Variants in SYN3 observed in about 807,000 individuals in gnomAD.
The protein encoded by SYN3 is synapsin III, also known as synapsin-3.
In SYN3, 35 loss-of-function variants were observed where a neutral mutation model predicts 65.8. That is an observed-to-expected ratio of 0.53 (90% CI 0.41 to 0.70). SYN3 has a LOEUF of 0.70. SYN3 is among the 30% of genes least tolerant of loss of function. The pLI, the probability that SYN3 is intolerant of heterozygous loss-of-function variation, is 0.00. For synonymous variants in SYN3, 270 were observed against 292.9 expected (o/e 0.92, Z 0.80); for missense variants, 680 against 749.0 (o/e 0.91, Z 1.08).
chr22:32,947,108 T>G (rs759999914), intron 3 of SYN3, among the ~76,000 whole-genome samples: 1 of 152,224 alleles, frequency 6.6e-6, no homozygotes, highest in African/African-American at 2.4e-5. Flanking sequence ...AATCTTGAAT[T>G]TGACACTGAC....
At chr22:32,622,432 A>C (rs141625230) in intron 6 of SYN3, among the ~76,000 whole-genome samples, 89 of 152,278 alleles carry the variant, frequency 5.8e-4, no homozygotes, top group African/African-American at 1.9e-3. Flanking sequence ...CCTCATTTCC[A>C]TGGAGCCTAC....
chr22:32,929,194 A>C (rs559254288), intron 4 of SYN3, among the ~76,000 whole-genome samples: 4 of 152,288 alleles, frequency 2.6e-5, no homozygotes, highest in Admixed American at 2.6e-4. Context: ...AGGCAGAAGA[A>C]TTGCTTGAAC....
intron 6 of SYN3, among the ~76,000 whole-genome samples, chr22:32,745,669 G>A (rs1178241135): frequency 1.3e-5 from 2 of 152,196 alleles, no homozygotes; most frequent in African/African-American, 4.8e-5. Context: ...CCTGGGAGGG[G>A]AAGGGGAAGA....
chr22:32,567,519 C>T (rs1014726597), intron 7 of SYN3, among the ~76,000 whole-genome samples: 3 of 152,066 alleles, frequency 2.0e-5, no homozygotes, highest in Admixed American at 1.3e-4. Flanking sequence ...CTCAATTGGT[C>T]CTTAATATGG....
At chr22:33,029,073 G>T (rs1416768483) in intron 1 of SYN3, among the ~76,000 whole-genome samples, 1 of 150,900 alleles carries the variant, frequency 6.6e-6, no homozygotes, top group Non-Finnish European at 1.5e-5. Context: ...TGCTCAGACA[G>T]TCCCTAGATG....
At chr22:32,597,838 TG>T (rs1322750019) in intron 6 of SYN3, among the ~76,000 whole-genome samples, 2 of 152,110 alleles carry the variant, frequency 1.3e-5, no homozygotes, top group Admixed American at 1.3e-4. Flanking sequence ...CTAGGAGGCA[TG>T]CATGCTTCTC....
intron 3 of SYN3, among the ~76,000 whole-genome samples, chr22:32,954,167 C>T (rs1019828386): frequency 6.6e-6 from 1 of 152,038 alleles, no homozygotes; most frequent in African/African-American, 2.4e-5. Context: ...ACCTGAGAAT[C>T]AAAGTAAAAC....
intron 4 of SYN3, among the ~76,000 whole-genome samples, chr22:32,890,806 T>C (rs2049424933): frequency 6.6e-6 from 1 of 152,134 alleles, no homozygotes; most frequent in Non-Finnish European, 1.5e-5. Flanking sequence ...TAACTATATA[T>C]ATAGAGAGAG....
At chr22:32,856,432 C>A (rs1362404196) in intron 6 of SYN3, among the ~76,000 whole-genome samples, 3 of 152,058 alleles carry the variant, frequency 2.0e-5, no homozygotes, top group Admixed American at 6.5e-5. Context: ...AGATCAGTGA[C>A]CGGCCACTGG....
chr22:32,514,079 G>A (rs1315078367), intron 13 of SYN3, among the ~76,000 whole-genome samples: 2 of 152,178 alleles, frequency 1.3e-5, no homozygotes, highest in South Asian at 2.1e-4. Context: ...GGTCCTCACA[G>A]CAAGTAATGG....
chr22:32,918,225 G>A (rs1452843005), intron 4 of SYN3, among the ~76,000 whole-genome samples: 4 of 152,160 alleles, frequency 2.6e-5, no homozygotes, highest in Non-Finnish European at 4.4e-5. Context: ...GCCACAATTC[G>A]GAAAAACAGC....
At chr22:32,883,144 G>A (rs949581044) in intron 4 of SYN3, among the ~76,000 whole-genome samples, 6 of 152,194 alleles carry the variant, frequency 3.9e-5, no homozygotes, top group African/African-American at 9.7e-5. Flanking sequence ...GCCCCCATGG[G>A]TGAGTATTGA....
At chr22:32,631,727 A>G (rs1303969167) in intron 6 of SYN3, among the ~76,000 whole-genome samples, 1 of 152,162 alleles carries the variant, frequency 6.6e-6, no homozygotes, top group Admixed American at 6.5e-5. Context: ...CCACCATCCT[A>G]TGAGGTAGGT....
At chr22:32,624,700 T>C (rs1191967598) in intron 6 of SYN3, among the ~76,000 whole-genome samples, 1 of 152,196 alleles carries the variant, frequency 6.6e-6, no homozygotes, top group Non-Finnish European at 1.5e-5. Context: ...GGCACTGCCA[T>C]GTGGAAAGAG....
intron 6 of SYN3, among the ~76,000 whole-genome samples, chr22:32,807,316 T>A (rs1176151995): frequency 9.0e-6 from 1 of 111,292 alleles, no homozygotes; most frequent in Non-Finnish European, 1.7e-5. Flanking sequence ...AAATATATAA[T>A]ATATAAATAT....
intron 6 of SYN3, among the ~76,000 whole-genome samples, chr22:32,791,655 A>G (rs130558): frequency 0.92 from 139,672 of 151,010 alleles, 64,678 homozygotes; most frequent in East Asian, 0.96. Flanking sequence ...TCTGGCTTCC[A>G]ATTCCAGCAC....
chr22:32,542,798 C>G (rs1373230947), intron 7 of SYN3, among the ~76,000 whole-genome samples: 1 of 151,780 alleles, frequency 6.6e-6, no homozygotes, highest in Non-Finnish European at 1.5e-5. Flanking sequence ...GCTTCCAAGG[C>G]CAAGCGCAGA....
At chr22:32,757,707 G>T (rs1481048106) in intron 6 of SYN3, among the ~76,000 whole-genome samples, 1 of 152,202 alleles carries the variant, frequency 6.6e-6, no homozygotes, top group Non-Finnish European at 1.5e-5. Flanking sequence ...CATAAAGGAG[G>T]CAAGGAAGAG....
intron 4 of SYN3, among the ~76,000 whole-genome samples, chr22:32,912,550 C>T (rs1225966535): frequency 1.3e-5 from 2 of 151,928 alleles, no homozygotes; most frequent in Non-Finnish European, 2.9e-5. Flanking sequence ...ACCCCCCCAT[C>T]TCTACTAAAA....
Sources: gnomAD v4.1 joint callset for allele counts (sites outside exome capture counted in the v4.1 genomes callset) on GRCh38, gnomAD v4.1.1 for gene constraint, MANE v1.5 for transcripts, NCBI Gene and HGNC (gene_info 2026-07-23, HGNC 2026-07-21) for gene names.